The following TXNRD2 variants were observed in gnomAD, a reference collection of about 807,000 sequenced individuals.
TXNRD2 encodes the protein thioredoxin reductase 2, mitochondrial.
In TXNRD2, 67 loss-of-function variants were observed where a neutral mutation model predicts 70.8. The observed-to-expected ratio is 0.95, with a 90% confidence interval of 0.78 to 1.16. The LOEUF is 1.16. Among genes scored for constraint, TXNRD2 ranks in the 50% most tolerant of loss-of-function variants. The pLI is 0.00. For synonymous variants in TXNRD2, 301 were observed against 295.8 expected, an observed-to-expected ratio of 1.02 and a Z score of -0.18; for missense variants, 644 against 719.9, an observed-to-expected ratio of 0.89 and a Z score of 1.21.
chr22:19,939,517 T>C (rs1385428957), intron 1 of TXNRD2, among the ~76,000 whole-genome samples: 3 of 152,244 alleles, frequency 2.0e-5, no homozygotes, highest in Admixed American at 1.3e-4. Context: ...ATTGGGCTTA[T>C]GTGCCTTTTC....
At chr22:19,896,879 C>T (rs970753279) in intron 10 of TXNRD2, among the ~76,000 whole-genome samples, 2 of 152,194 alleles carry the variant, frequency 1.3e-5, no homozygotes, top group African/African-American at 4.8e-5. Flanking sequence ...TCCTGCACCC[C>T]TCCAGAGGCC....
intron 2 of TXNRD2, among the ~76,000 whole-genome samples, chr22:19,925,571 G>A (rs1941108265): frequency 6.6e-6 from 1 of 151,978 alleles, no homozygotes; most frequent in African/African-American, 2.4e-5. Flanking sequence ...ACATGTAACA[G>A]TAAACACATG....
rs35225890 is a variant in TXNRD2, at chr22:19,883,944, CA to C, written c.950-484del. 489 of 133,290 alleles carry C rather than the reference CA, an allele frequency of 3.7e-3. 2 individuals carry two copies. The highest frequency in any genetic ancestry group is 0.023 in the East Asian group (106 of 4,580). 8.3% of individuals were successfully genotyped at this position (133,290 alleles called of 1,614,324 possible). On this transcript the variant is annotated intron_variant, in intron 11 of 17. Coordinates refer to ENST00000400521, the MANE Select transcript of TXNRD2 (RefSeq NM_006440.5). The stretch of plus-strand genomic sequence containing the variant: ...GCGCAACAAGAGCAAAACTCTGTCT[CA>C]AAAAAAAAAAAAGAAAGAAAAGAAA...
At chr22:19,920,527 G>A (rs1940858187) in intron 2 of TXNRD2, among the ~76,000 whole-genome samples, 2 of 151,862 alleles carry the variant, frequency 1.3e-5, no homozygotes, top group South Asian at 4.1e-4. Context: ...AGGCTGCAGT[G>A]AGCAGAGATC....
chr22:19,878,163 G>A lies in TXNRD2; in HGVS notation c.1372C>T (p.Gln458Ter). The change falls in exon 16 of 18, where the codon CAG becomes TAG. Residue 458 changes from glutamine to a stop codon, truncating the protein, a stop_gained. Coordinates refer to ENST00000400521, the MANE Select transcript of TXNRD2 (RefSeq NM_006440.5). LOFTEE classifies it high-confidence loss of function. ...VKMVCLREPP[Q>*]LVLGLHFLGP... ...AGGAAATGCAGGCCCAGCACCAGCT[G>A]TGGGGGCTCCCTCAGGCACACCATC... is the stretch of plus-strand genomic sequence containing the variant. The A allele has an allele frequency of 3.7e-6, 6 of 1,613,284 alleles. No homozygotes were observed. Among genetic ancestry groups the A allele is most frequent in the African/African-American group, 1.3e-5 (1 of 75,064 alleles).
intron 8 of TXNRD2, 49 bp from the exon 9 acceptor site, chr22:19,899,117 G>T: frequency 6.2e-7 from 1 of 1,605,258 alleles, no homozygotes; most frequent in South Asian, 1.1e-5. Flanking sequence ...GGCCCTTATT[G>T]ACCAAGTGCA....
chr22:19,919,738 G>A, intron 2 of TXNRD2, 139 bp from the exon 3 acceptor site: 1 of 825,548 alleles, frequency 1.2e-6, no homozygotes, highest in Non-Finnish European at 2.0e-6. Context: ...TGGCTGAGCT[G>A]CGCAATGCTA....
At chr22:19,921,342 C>G (rs114985812) in intron 2 of TXNRD2, among the ~76,000 whole-genome samples, 3,217 of 146,080 alleles carry the variant, frequency 0.022, 122 homozygotes, top group African/African-American at 0.077. Context: ...TTGAGCTTAG[C>G]AGGTGGAGGA....
At chr22:19,896,659 C>T (rs573644013) in intron 10 of TXNRD2, among the ~76,000 whole-genome samples, 26 of 152,354 alleles carry the variant, frequency 1.7e-4, no homozygotes, top group African/African-American at 5.3e-4. Flanking sequence ...CAGATGGGGG[C>T]CCTGTTCCCA....
intron 5 of TXNRD2, among the ~76,000 whole-genome samples, chr22:19,917,138 C>T (rs1601451021): frequency 2.0e-5 from 3 of 152,334 alleles, no homozygotes; most frequent in Admixed American, 2.0e-4. Flanking sequence ...AGTGAAAAAG[C>T]AGAAACAGCC....
At chr22:19,891,600 C>T (rs756138177) in intron 11 of TXNRD2, 1 of 152,550 alleles carries the variant, frequency 6.6e-6, no homozygotes, top group Non-Finnish European at 1.5e-5. Flanking sequence ...TGGCCCTGCT[C>T]CCCTAGACAG....
chr22:19,941,256 T>C (rs1941702440), intron 1 of TXNRD2, among the ~76,000 whole-genome samples: 1 of 152,174 alleles, frequency 6.6e-6, no homozygotes, highest in Non-Finnish European at 1.5e-5. Flanking sequence ...TTTAGTTAAC[T>C]GTTCTTCAGG....
chr22:19,940,643 C>T (rs910818916), intron 1 of TXNRD2, among the ~76,000 whole-genome samples: 2 of 152,184 alleles, frequency 1.3e-5, no homozygotes, highest in Non-Finnish European at 2.9e-5. Flanking sequence ...GCCCTTTGAA[C>T]CTTTTTCCTC....
Position 19,918,369 on chromosome 22 carries a change from C to T in TXNRD2, c.375-152G>A, listed in dbSNP as rs113107030. The stretch of plus-strand genomic sequence containing the variant: ...TGGCAAAACGTGACATCCATCCCTA[C>T]GTGCAACCGCCTGTCCCAGGCTCAG... On this transcript the variant is annotated intron_variant, in intron 4 of 17. Coordinates refer to ENST00000400521, the MANE Select transcript of TXNRD2 (RefSeq NM_006440.5). 3.9e-3 allele frequency: 2,788 copies of T among 718,668 alleles called. 54 individuals are homozygous for T. In the African/African-American group the frequency reaches 0.042, roughly 11 times the overall value. The allele number at this position is 718,668 out of a possible 1,614,324, so 44.5% of individuals were successfully genotyped here.
intron 10 of TXNRD2, among the ~76,000 whole-genome samples, chr22:19,896,551 G>C (rs1341746526): frequency 1.3e-5 from 2 of 152,134 alleles, no homozygotes; most frequent in Admixed American, 1.3e-4. Context: ...CTCCCGCCTA[G>C]AAATGTAGGC....
intron 1 of TXNRD2, among the ~76,000 whole-genome samples, chr22:19,938,501 T>C (rs1941604829): frequency 6.6e-6 from 1 of 152,184 alleles, no homozygotes; most frequent in African/African-American, 2.4e-5. Flanking sequence ...GGCTGATGTT[T>C]CTATTATTTC....
At chr22:19,939,150 A>G (rs1189757534) in intron 1 of TXNRD2, among the ~76,000 whole-genome samples, 2 of 152,102 alleles carry the variant, frequency 1.3e-5, no homozygotes, top group Non-Finnish European at 1.5e-5. Flanking sequence ...AATACTGACA[A>G]TAAAAACCAC....
chr22:19,881,082 G>A (rs567414802), intron 12 of TXNRD2: 55 of 460,506 alleles, frequency 1.2e-4, no homozygotes, highest in East Asian at 9.5e-4. Flanking sequence ...CCCTGCTACC[G>A]TTTTCATTCA....
chr22:19,904,275 C>T (rs539551065), intron 8 of TXNRD2, among the ~76,000 whole-genome samples: 1 of 152,366 alleles, frequency 6.6e-6, no homozygotes, highest in South Asian at 2.1e-4. Flanking sequence ...TCCTAGGTTA[C>T]AAACCAGGTG....
Sources: allele counts gnomAD v4.1 joint callset (sites outside exome capture counted in the v4.1 genomes callset), GRCh38; gene constraint gnomAD v4.1.1; transcripts MANE v1.5; gene names NCBI Gene and HGNC (gene_info 2026-07-23, HGNC 2026-07-21).